Variants in UBE2H observed in about 807,000 individuals in gnomAD.
The protein encoded by UBE2H is ubiquitin-conjugating enzyme E2 H.
UBE2H carries 3 observed loss-of-function variants against 29.0 expected under a neutral mutation model. The ratio of observed to expected loss-of-function variants is 0.10; its 90% CI spans 0.05 to 0.27. UBE2H has a LOEUF of 0.27. UBE2H is among the 10% of genes least tolerant of loss of function. The probability of loss-of-function intolerance (pLI) is 1.00; values close to 1 mark genes in which losing one functional copy is unlikely to be tolerated. For synonymous variants in UBE2H, 69 were observed against 82.9 expected (o/e 0.83, Z 0.91); for missense variants, 68 against 228.2 (o/e 0.30, Z 4.52).
chr7:129,863,397 T>TTGTG lies in UBE2H; in HGVS notation c.206-4460_206-4457dup, dbSNP rs1805837395. On this transcript the variant is annotated intron_variant, in intron 3 of 6. Transcript: ENST00000355621. ...CAGGCCCTGGGCAAGTCACTTCACC[T>TTGTG]TGTGGGGTCTGTTTCTTTACCTACG... is the stretch of plus-strand genomic sequence containing the variant. Among the ~76,000 whole-genome samples, 8 of 152,280 alleles carry TTGTG rather than the reference T, an allele frequency of 5.3e-5. No homozygotes were observed. The South Asian group carries it at 1.7e-3, about 32-fold the overall frequency.
intron 1 of UBE2H, among the ~76,000 whole-genome samples, chr7:129,881,851 G>A (rs902012256): frequency 2.0e-5 from 3 of 152,084 alleles, no homozygotes; most frequent in Non-Finnish European, 4.4e-5. Context: ...ATTTACTAAG[G>A]AGAGTTCCCA....
intron 3 of UBE2H, among the ~76,000 whole-genome samples, chr7:129,869,930 C>T (rs894772178): frequency 5.9e-5 from 9 of 152,216 alleles, no homozygotes; most frequent in African/African-American, 2.2e-4. Context: ...CTCCCCCAGT[C>T]TCCCATGACT....
intron 2 of UBE2H, among the ~76,000 whole-genome samples, chr7:129,880,069 T>A (rs113567689): frequency 9.5e-4 from 144 of 152,052 alleles, no homozygotes; most frequent in Non-Finnish European, 1.7e-3. Flanking sequence ...TACTGTCACA[T>A]AGAGATAAAG....
chr7:129,931,619 A>G (rs888184244), intron 1 of UBE2H, among the ~76,000 whole-genome samples: 3 of 152,074 alleles, frequency 2.0e-5, no homozygotes, highest in African/African-American at 4.8e-5. Flanking sequence ...AGAAAGCTGG[A>G]TTTTCATATG....
intron 1 of UBE2H, among the ~76,000 whole-genome samples, chr7:129,912,455 A>G (rs1806956013): frequency 2.0e-5 from 3 of 151,780 alleles, no homozygotes; most frequent in African/African-American, 7.3e-5. Context: ...GGGCTTGGCG[A>G]TCCTCCCACC....
chr7:129,946,222 T>A (rs562236360), intron 1 of UBE2H, among the ~76,000 whole-genome samples: 3 of 134,124 alleles, frequency 2.2e-5, no homozygotes, highest in South Asian at 2.8e-4. Context: ...CCGGCTAATT[T>A]TTTTTTTTTT....
intron 3 of UBE2H, among the ~76,000 whole-genome samples, chr7:129,861,902 C>G (rs1434443958): frequency 6.6e-6 from 1 of 152,144 alleles, no homozygotes; most frequent in Non-Finnish European, 1.5e-5. Context: ...AAAAGTTATA[C>G]ATAGTATCAA....
rs1805795007 is a variant in UBE2H at position 129,861,213 on chromosome 7, G to C, written c.206-2272C>G. Among the ~76,000 whole-genome samples, 3 of 150,694 alleles carry C rather than the reference G, an allele frequency of 2.0e-5. No individual in the cohort carries two copies. In the South Asian group the frequency reaches 6.3e-4, roughly 31 times the overall value. On this transcript the variant is annotated intron_variant, in intron 3 of 6. Coordinates refer to ENST00000355621, the MANE Select transcript of UBE2H (RefSeq NM_003344.4). ...CACTCCAGCCTGGGTGACGGAGTGA[G>C]ACTGTCTTTAAAAAAAAAAAAAGAC... is the stretch of plus-strand genomic sequence containing the variant.
intron 4 of UBE2H, among the ~76,000 whole-genome samples, chr7:129,858,686 CACG>C (rs1805749515): frequency 6.6e-6 from 1 of 152,092 alleles, no homozygotes; most frequent in Admixed American, 6.5e-5. Flanking sequence ...AGGACCCAGT[CACG>C]ACAATGGAAA....
intron 1 of UBE2H, among the ~76,000 whole-genome samples, chr7:129,916,678 A>T (rs1174322538): frequency 1.3e-5 from 2 of 152,154 alleles, no homozygotes; most frequent in Non-Finnish European, 2.9e-5. Context: ...CACACAGAGA[A>T]CATCCTGTCC....
intron 1 of UBE2H, among the ~76,000 whole-genome samples, chr7:129,924,106 TCA>T (rs1807217413): frequency 6.6e-6 from 1 of 152,212 alleles, no homozygotes; most frequent in African/African-American, 2.4e-5. Context: ...GCATGGTGGT[TCA>T]CACTTGCAAT....
intron 6 of UBE2H, among the ~76,000 whole-genome samples, chr7:129,835,531 T>C (rs1398984329): frequency 6.6e-6 from 1 of 152,168 alleles, no homozygotes; most frequent in Non-Finnish European, 1.5e-5. Flanking sequence ...TCTAAACAGA[T>C]CCTGCCTGTC....
intron 1 of UBE2H, among the ~76,000 whole-genome samples, chr7:129,948,472 C>T (rs1006388748): frequency 2.6e-5 from 4 of 152,176 alleles, no homozygotes; most frequent in African/African-American, 7.2e-5. Flanking sequence ...GACATTTCTG[C>T]CATACTTTGG....
chr7:129,851,968 T>G (rs1372887076), intron 5 of UBE2H, among the ~76,000 whole-genome samples: 1 of 152,182 alleles, frequency 6.6e-6, no homozygotes, highest in East Asian at 1.9e-4. Context: ...ATTATCCCAA[T>G]AGTACTGGAC....
chr7:129,863,823 T>TTTTTTTTTTTG (rs1805846300), intron 3 of UBE2H, among the ~76,000 whole-genome samples: 1 of 151,466 alleles, frequency 6.6e-6, no homozygotes, highest in African/African-American at 2.4e-5. Context: ...TTTTTTTTTT[T>TTTTTTTTTTTG]GAGATAAGGT....
chr7:129,896,441 C>G (rs1563038317), intron 1 of UBE2H, among the ~76,000 whole-genome samples: 2 of 151,972 alleles, frequency 1.3e-5, no homozygotes, highest in Non-Finnish European at 2.9e-5. Context: ...ACTCTGTTGC[C>G]CAGGCTGGAG....
In UBE2H at chr7:129,898,102, G is replaced by GA. The variant is rs201136376; in HGVS notation, c.54-17132dup. 2.0e-5 allele frequency among the ~76,000 whole-genome samples: 3 copies of GA among 152,208 alleles called. No homozygotes were observed. The East Asian group carries it at 5.8e-4, about 29-fold the overall frequency. ...CTGTTAAAGAAACACCCTACCATAA[G>GA]AAAATCACACCAATATGAGTAAATA... is the stretch of plus-strand genomic sequence containing the variant. On this transcript the variant is annotated intron_variant, in intron 1 of 6. Transcript: ENST00000355621.
rs561126042 is a variant in UBE2H at position 129,831,952 on chromosome 7, G to C, written c.*2985C>G. The C allele has an allele frequency of 6.6e-6, 1 of 152,312 alleles. No individual in the cohort carries two copies. The highest frequency in any genetic ancestry group is 2.4e-5 in the African/African-American group (1 of 41,442). The allele number at this position is 152,312 out of a possible 1,614,324, so 9.4% of individuals were successfully genotyped here. On this transcript the variant is annotated 3_prime_UTR_variant, in exon 7 of 7. Coordinates refer to ENST00000355621, the MANE Select transcript of UBE2H (RefSeq NM_003344.4). ...AAACTATGGGCACTAAAAAGGGGAGGGAAACCGCCAGAAGTGGCTCTGACC... is the reference window on the plus strand; with the variant it reads ...AAACTATGGGCACTAAAAAGGGGAGCGAAACCGCCAGAAGTGGCTCTGACC...
At chr7:129,852,925 A>G (rs1312871938) in intron 5 of UBE2H, among the ~76,000 whole-genome samples, 1 of 152,152 alleles carries the variant, frequency 6.6e-6, no homozygotes, top group Non-Finnish European at 1.5e-5. Context: ...GGGTTTCTCC[A>G]TGTTGGTTAT....
Sources: gnomAD v4.1 joint callset for allele counts (sites outside exome capture counted in the v4.1 genomes callset) on GRCh38, gnomAD v4.1.1 for gene constraint, MANE v1.5 for transcripts, NCBI Gene and HGNC (gene_info 2026-07-23, HGNC 2026-07-21) for gene names.